The following RYR2 variants were observed in gnomAD, a reference collection of about 807,000 sequenced individuals.
RYR2 encodes the protein cardiac muscle ryanodine receptor-calcium release channel.
RYR2 carries 227 observed loss-of-function variants against 601.1 expected under a neutral mutation model. The observed-to-expected ratio is 0.38, with a 90% CI of 0.34 to 0.42. The LOEUF (loss-of-function observed/expected upper bound fraction) is 0.42. Ranked by LOEUF, RYR2 falls within the 10% of genes least tolerant of loss-of-function variation. The pLI is 1.00. For missense variants in RYR2, 4,646 were observed against 6,156.5 expected (o/e 0.75, Z 8.21); for synonymous variants, 2,223 against 2,175.1 (o/e 1.02, Z -0.61).
chr1:237,268,346 T>C (rs1279650034), intron 1 of RYR2, among the ~76,000 whole-genome samples: 2 of 152,218 alleles, frequency 1.3e-5, no homozygotes, highest in Non-Finnish European at 2.9e-5. Flanking sequence ...TTTGGTTCTT[T>C]TTTTATTACA....
intron 24 of RYR2, 53 bp downstream of exon 24, chr1:237,511,844 A>G (rs1463121495): frequency 2.1e-6 from 2 of 963,682 alleles, no homozygotes; most frequent in Non-Finnish European, 2.8e-6. Flanking sequence ...GAAAAAAAAA[A>G]AAAAAAAAAA....
At chr1:237,271,467 A>G (rs529981719) in intron 2 of RYR2, among the ~76,000 whole-genome samples, 48 of 152,300 alleles carry the variant, frequency 3.2e-4, no homozygotes, top group Non-Finnish European at 5.9e-4. Context: ...TATGTTCTGT[A>G]TATGAATGAA....
chr1:237,731,660 TAA>T (rs1349916946), intron 77 of RYR2, among the ~76,000 whole-genome samples: 3 of 152,158 alleles, frequency 2.0e-5, no homozygotes, highest in Non-Finnish European at 4.4e-5. Flanking sequence ...TTAAATGATA[TAA>T]GTTATCCCTG....
Position 237,590,861 on chromosome 1 carries a change from TG to T in RYR2, c.4030del (p.Glu1344ArgfsTer3). ...LEDYDADSDF[E>X]VLMKTAHGHL... is the part of the protein sequence containing the mutation. ...AAGATTATGATGCTGATTCTGACTTTGAGGTTCTGATGAAGACAGCTCATGG... is the reference window on the plus strand; with the variant it reads ...AAGATTATGATGCTGATTCTGACTTTAGGTTCTGATGAAGACAGCTCATGG... On this transcript the variant is annotated frameshift_variant, in exon 31 of 105. Transcript: ENST00000366574. LOFTEE classifies it high-confidence loss of function. The T allele has an allele frequency of 1.2e-6, 2 of 1,613,846 alleles. No individual in the cohort carries two copies. Among genetic ancestry groups the T allele is most frequent in the Non-Finnish European group, 1.7e-6 (2 of 1,179,848 alleles).
chr1:237,570,821 T>C (rs1308609716), intron 29 of RYR2, among the ~76,000 whole-genome samples: 1 of 152,138 alleles, frequency 6.6e-6, no homozygotes, highest in African/African-American at 2.4e-5. Flanking sequence ...CAGTATCTGA[T>C]ACAAATTATA....
intron 57 of RYR2, 91 bp from the exon 58 acceptor site, chr1:237,667,792 T>G: frequency 1.1e-5 from 10 of 912,036 alleles, no homozygotes; most frequent in Non-Finnish European, 1.7e-5. Context: ...ACTGTATGAG[T>G]TATTCCTTTA....
rs1282045319 is a variant in RYR2, at chr1:237,639,138, T to C, written c.7052T>C (p.Ile2351Thr). ...CTTCTTGCAGCAATGGAAGAAGCCATCAAAATCGCCGAGGATCCTTCCCGA... is the reference window on the plus strand; with the variant it reads ...CTTCTTGCAGCAATGGAAGAAGCCACCAAAATCGCCGAGGATCCTTCCCGA... ...NGLLAAMEEA[I>T]KIAEDPSRDG... Residue 2351 changes from isoleucine (I) to threonine (T), a missense_variant, in exon 46 of 105, where the codon ATC becomes ACC. Coordinates refer to ENST00000366574, the MANE Select transcript of RYR2 (RefSeq NM_001035.3). 2.5e-6 allele frequency: 4 copies of C among 1,613,868 alleles called. No homozygotes were observed. Among genetic ancestry groups the C allele is most frequent in the East Asian group, 2.2e-5 (1 of 44,870 alleles).
chr1:237,387,373 A>G lies in RYR2; in HGVS notation c.669A>G (p.Ala223=). The G allele has an allele frequency of 6.2e-7, 1 of 1,613,918 alleles. No homozygotes were observed. The highest frequency in any genetic ancestry group is 8.5e-7 in the Non-Finnish European group (1 of 1,179,802). Residue 223 remains alanine (A), a synonymous_variant, in exon 9 of 105, where the codon GCA becomes GCG. Coordinates refer to ENST00000366574, the MANE Select transcript of RYR2 (RefSeq NM_001035.3). ...SVAPISSGSE[A]AQGYLIGGDV... ...CCCCAATCAGCTCAGGAAGTGAGGC[A>G]GCCCAAGGTAAAAACTCCACTTCAA...
chr1:237,625,095 A>G (rs1289885174), intron 39 of RYR2, among the ~76,000 whole-genome samples: 1 of 151,438 alleles, frequency 6.6e-6, no homozygotes, highest in East Asian at 1.9e-4. Context: ...TAGTATCCCT[A>G]CAAATACAGG....
chr1:237,487,569 A>G (rs896041830), intron 17 of RYR2, among the ~76,000 whole-genome samples: 4 of 150,854 alleles, frequency 2.7e-5, no homozygotes, highest in East Asian at 2.0e-4. Flanking sequence ...AAAAAAAAAA[A>G]AAAAAAAGCT....
intron 17 of RYR2, among the ~76,000 whole-genome samples, chr1:237,478,971 T>G (rs1661722580): frequency 6.6e-6 from 1 of 152,238 alleles, no homozygotes; most frequent in Non-Finnish European, 1.5e-5. Context: ...GTTCAATTGT[T>G]GCAGATCTGT....
intron 2 of RYR2, among the ~76,000 whole-genome samples, chr1:237,292,078 G>C (rs1692275214): frequency 6.6e-6 from 1 of 152,072 alleles, no homozygotes; most frequent in Admixed American, 6.6e-5. Flanking sequence ...TAAAATTGCT[G>C]TAAAAAAATA....
intron 27 of RYR2, among the ~76,000 whole-genome samples, chr1:237,560,250 G>T (rs56396171): frequency 2.2e-4 from 34 of 152,264 alleles, no homozygotes; most frequent in Non-Finnish European, 4.0e-4. Flanking sequence ...CAAACTTTTT[G>T]GTCAGTTGCT....
At chr1:237,656,880 C>T (rs1683297307) in intron 53 of RYR2, among the ~76,000 whole-genome samples, 1 of 152,188 alleles carries the variant, frequency 6.6e-6, no homozygotes, top group Non-Finnish European at 1.5e-5. Context: ...GACCCTTTCC[C>T]CCATCCCCCA....
At chr1:237,443,198 A>T (rs141255889) in intron 13 of RYR2, among the ~76,000 whole-genome samples, 89 of 151,470 alleles carry the variant, frequency 5.9e-4, no homozygotes, top group Admixed American at 2.1e-3. Flanking sequence ...TTTAGTTTTC[A>T]TGCTTTTTTT....
intron 3 of RYR2, among the ~76,000 whole-genome samples, chr1:237,338,763 A>G (rs1483520381): frequency 6.6e-6 from 1 of 152,148 alleles, no homozygotes; most frequent in African/African-American, 2.4e-5. Flanking sequence ...TTTTTGTTCA[A>G]GCTTTAGGGC....
chr1:237,100,596 G>A (rs1449712129), intron 1 of RYR2, among the ~76,000 whole-genome samples: 2 of 152,044 alleles, frequency 1.3e-5, no homozygotes, highest in Non-Finnish European at 1.5e-5. Flanking sequence ...ATGTTGTCCA[G>A]GCTGGTCTCT....
intron 29 of RYR2, among the ~76,000 whole-genome samples, chr1:237,581,054 A>G (rs201230351): frequency 6.6e-6 from 1 of 152,212 alleles, no homozygotes; most frequent in East Asian, 1.9e-4. Context: ...CTAAGCTAGT[A>G]CTATTCTCAA....
intron 1 of RYR2, among the ~76,000 whole-genome samples, chr1:237,083,978 T>C (rs1218652175): frequency 6.6e-6 from 1 of 152,184 alleles, no homozygotes; most frequent in Non-Finnish European, 1.5e-5. Flanking sequence ...GGCTACCATA[T>C]TGGACAGTGT....
Sources: gnomAD v4.1 joint callset for allele counts (sites outside exome capture counted in the v4.1 genomes callset) on GRCh38, gnomAD v4.1.1 for gene constraint, MANE v1.5 for transcripts, NCBI Gene and HGNC (gene_info 2026-07-23, HGNC 2026-07-21) for gene names.